The following FHIT variants were observed in gnomAD, a reference collection of about 807,000 sequenced individuals.
The protein encoded by FHIT is bis(5'-adenosyl)-triphosphatase.
In FHIT, 19 loss-of-function variants were observed where a neutral mutation model predicts 17.9. The observed-to-expected ratio is 1.06, with a 90% CI of 0.74 to 1.56. The LOEUF (loss-of-function observed/expected upper bound fraction) is 1.56. FHIT is among the 40% of genes most tolerant of loss of function. The pLI is 0.00. For missense variants in FHIT, 248 were observed against 189.2 expected (o/e 1.31, Z -1.82); for synonymous variants, 81 against 69.7 (o/e 1.16, Z -0.81).
At chr3:60,243,237 T>C (rs1488948638) in intron 5 of FHIT, among the ~76,000 whole-genome samples, 1 of 151,978 alleles carries the variant, frequency 6.6e-6, no homozygotes, top group East Asian at 1.9e-4. Flanking sequence ...TATTCACAGA[T>C]GGGAAAAGAG....
chr3:60,471,294 G>T (rs2033078863), intron 5 of FHIT, among the ~76,000 whole-genome samples: 1 of 152,164 alleles, frequency 6.6e-6, no homozygotes, highest in South Asian at 2.1e-4. Flanking sequence ...TTTCCTTGCA[G>T]TCCTTGTGGC....
intron 7 of FHIT, among the ~76,000 whole-genome samples, chr3:59,924,302 C>G (rs1288382655): frequency 6.6e-6 from 1 of 152,140 alleles, no homozygotes; most frequent in Admixed American, 6.5e-5. Flanking sequence ...TGTCCCCCTC[C>G]TCCTTTCTTC....
In FHIT at chr3:60,604,093, G is replaced by A. The variant is rs146075377; in HGVS notation, c.-17-67114C>T. On this transcript the variant is annotated intron_variant, in intron 4 of 9. Transcript: ENST00000492590. ...TCAGTAGGAAGTACTTATAGCAATGGGAGTACATTGTGCAGCAGAAGAGAA... is the reference window on the plus strand; with the variant it reads ...TCAGTAGGAAGTACTTATAGCAATGAGAGTACATTGTGCAGCAGAAGAGAA... Among the ~76,000 whole-genome samples the A allele has an allele frequency of 4.9e-3, 744 of 152,186 alleles. 2 individuals carry two copies. Among genetic ancestry groups the A allele is most frequent in the Non-Finnish European group, 8.5e-3 (578 of 68,010 alleles).
At chr3:60,259,127 C>T (rs905654315) in intron 5 of FHIT, among the ~76,000 whole-genome samples, 2 of 151,478 alleles carry the variant, frequency 1.3e-5, no homozygotes, top group Non-Finnish European at 2.9e-5. Flanking sequence ...AAAATGACTA[C>T]CAAAGTTATA....
At chr3:60,352,686 T>A (rs189009463) in intron 5 of FHIT, among the ~76,000 whole-genome samples, 1 of 152,216 alleles carries the variant, frequency 6.6e-6, no homozygotes, top group Admixed American at 6.5e-5. Flanking sequence ...AAATTTTTAT[T>A]CATACTTTTA....
chr3:60,277,624 A>G (rs902691679), intron 5 of FHIT, among the ~76,000 whole-genome samples: 7 of 152,146 alleles, frequency 4.6e-5, no homozygotes, highest in African/African-American at 1.7e-4. Context: ...CACCTCGTCC[A>G]ACCAATCTTT....
At chr3:60,030,237 C>T (rs998082362) in intron 5 of FHIT, among the ~76,000 whole-genome samples, 4 of 152,124 alleles carry the variant, frequency 2.6e-5, no homozygotes, top group African/African-American at 9.7e-5. Flanking sequence ...GTTCTATATT[C>T]CATATGGATA....
intron 5 of FHIT, among the ~76,000 whole-genome samples, chr3:60,245,505 C>G (rs1028978820): frequency 6.6e-6 from 1 of 152,004 alleles, no homozygotes; most frequent in Non-Finnish European, 1.5e-5. Flanking sequence ...GTTAATCAAC[C>G]TTACCAACAA....
rs138998948 is a variant in FHIT, at chr3:61,120,112, A to G, written c.-163-78013T>C. 2.1e-4 allele frequency among the ~76,000 whole-genome samples: 32 copies of G among 152,326 alleles called. No individual in the cohort carries two copies. In the South Asian group the frequency reaches 4.3e-3, roughly 21 times the overall value. On this transcript the variant is annotated intron_variant, in intron 2 of 9. Coordinates refer to ENST00000492590, the MANE Select transcript of FHIT (RefSeq NM_002012.4). ...CTCAAAACTTGAATGACCTGGGTTC[A>G]ATTCTTCACTGTCACTAGTGAACCA... is the stretch of plus-strand genomic sequence containing the variant.
chr3:60,671,289 A>G (rs1553693766), intron 4 of FHIT, among the ~76,000 whole-genome samples: 1 of 152,194 alleles, frequency 6.6e-6, no homozygotes, highest in Admixed American at 6.5e-5. Flanking sequence ...AGATAAAAGT[A>G]TAAATTATTT....
At chr3:60,655,668 C>T (rs2040098533) in intron 4 of FHIT, among the ~76,000 whole-genome samples, 1 of 152,108 alleles carries the variant, frequency 6.6e-6, no homozygotes, top group South Asian at 2.1e-4. Context: ...ATTCTGTATT[C>T]TCCTCGAACT....
intron 8 of FHIT, among the ~76,000 whole-genome samples, chr3:59,814,416 T>C (rs979997319): frequency 2.6e-5 from 4 of 152,200 alleles, no homozygotes; most frequent in Non-Finnish European, 5.9e-5. Flanking sequence ...ATGGCAATTT[T>C]TGAGGCTGCT....
intron 4 of FHIT, among the ~76,000 whole-genome samples, chr3:60,649,141 T>C (rs1350429243): frequency 1.3e-5 from 2 of 152,186 alleles, no homozygotes; most frequent in African/African-American, 2.4e-5. Flanking sequence ...CTCACGCCTG[T>C]AATCCCAGCA....
At chr3:60,332,944 A>G (rs916536068) in intron 5 of FHIT, among the ~76,000 whole-genome samples, 1 of 152,212 alleles carries the variant, frequency 6.6e-6, no homozygotes, top group Non-Finnish European at 1.5e-5. Context: ...AAGACTTTAA[A>G]AACTTTAGGA....
chr3:60,399,862 C>G (rs2107185552), intron 5 of FHIT, among the ~76,000 whole-genome samples: 1 of 152,256 alleles, frequency 6.6e-6, no homozygotes, highest in Non-Finnish European at 1.5e-5. Flanking sequence ...CTGAGTTAGG[C>G]TAGCTGTCCA....
chr3:60,115,892 A>G lies in FHIT; in HGVS notation c.104-101740T>C, dbSNP rs533147224. Among the ~76,000 whole-genome samples, 16 of 152,210 alleles carry G rather than the reference A, an allele frequency of 1.1e-4. No homozygotes were observed. The East Asian group carries it at 3.1e-3, about 29-fold the overall frequency. On this transcript the variant is annotated intron_variant, in intron 5 of 9. Coordinates refer to ENST00000492590, the MANE Select transcript of FHIT (RefSeq NM_002012.4). ...GACCTATCCATATATGCATATATGC[A>G]TTTAGATAGGAATTTTTTAAAGCAC...
At chr3:60,701,007 T>C (rs888023301) in intron 4 of FHIT, among the ~76,000 whole-genome samples, 1 of 152,178 alleles carries the variant, frequency 6.6e-6, no homozygotes, top group Non-Finnish European at 1.5e-5. Context: ...TCTGAATTTT[T>C]AGATTTTTAT....
chr3:59,927,309 G>A (rs1705711614), intron 7 of FHIT, among the ~76,000 whole-genome samples: 1 of 152,120 alleles, frequency 6.6e-6, no homozygotes, highest in African/African-American at 2.4e-5. Context: ...AACTGCTAAT[G>A]GGCACAGGGT....
chr3:60,330,684 G>A (rs1709924295), intron 5 of FHIT, among the ~76,000 whole-genome samples: 2 of 152,190 alleles, frequency 1.3e-5, no homozygotes, highest in East Asian at 1.9e-4. Context: ...GTATGTACAA[G>A]GTGGTTCCCT....
Sources: gnomAD v4.1 joint callset for allele counts (sites outside exome capture counted in the v4.1 genomes callset) on GRCh38, gnomAD v4.1.1 for gene constraint, MANE v1.5 for transcripts, NCBI Gene and HGNC (gene_info 2026-07-23, HGNC 2026-07-21) for gene names.